MTBP: variants seen among roughly 807,000 people sequenced by gnomAD.
MTBP encodes MDM2 binding protein.
Under a neutral mutation model 117.0 loss-of-function variants are expected in MTBP, and 101 were observed. The ratio of observed to expected loss-of-function variants is 0.86; its 90% confidence interval spans 0.73 to 1.02. The LOEUF (loss-of-function observed/expected upper bound fraction) is 1.02. Among genes scored for constraint, MTBP ranks in the 50% least tolerant of loss-of-function variants. MTBP has a pLI of 0.00. For missense variants in MTBP, 970 were observed against 1,030.9 expected, an observed-to-expected ratio of 0.94 and a Z score of 0.81; for synonymous variants, 350 against 351.5, an observed-to-expected ratio of 1.00 and a Z score of 0.05.
At chr8:120,453,949 T>C (rs1813415965) in intron 5 of MTBP, 44 bp downstream of exon 5, 1 of 1,092,042 alleles carries the variant, frequency 9.2e-7, no homozygotes, top group Non-Finnish European at 1.4e-6. Flanking sequence ...TCTTATCTTA[T>C]TACACTTTAT....
intron 8 of MTBP, 56 bp from the exon 9 acceptor site, chr8:120,461,105 T>G (rs1813573331): frequency 1.6e-5 from 21 of 1,273,466 alleles, no homozygotes; most frequent in Non-Finnish European, 2.1e-5. Flanking sequence ...AATCACTAAT[T>G]TGTTTACTTT....
At chr8:120,521,363 C>G (rs1815004738) in intron 20 of MTBP, among the ~76,000 whole-genome samples, 1 of 152,106 alleles carries the variant, frequency 6.6e-6, no homozygotes, top group African/African-American at 2.4e-5. Flanking sequence ...AAAGTATTTA[C>G]ATAGATACAA....
chr8:120,472,508 G>A (rs9649950), intron 11 of MTBP: 81,598 of 152,100 alleles, frequency 0.54, 24,857 homozygotes, highest in Non-Finnish European at 0.67. Context: ...CTGATCTCAC[G>A]AGAAGTCATT....
chr8:120,519,632 T>C (rs529169239), intron 20 of MTBP, among the ~76,000 whole-genome samples: 1 of 152,184 alleles, frequency 6.6e-6, no homozygotes, highest in Non-Finnish European at 1.5e-5. Flanking sequence ...TTAATACATA[T>C]TGAACAATAA....
At chr8:120,514,545 C>T (rs961348879) in intron 17 of MTBP, among the ~76,000 whole-genome samples, 1 of 152,026 alleles carries the variant, frequency 6.6e-6, no homozygotes, top group Non-Finnish European at 1.5e-5. Flanking sequence ...GGTTCTAATG[C>T]TCAGCCATGT....
At chr8:120,465,962 AT>A (rs1813679693) in intron 10 of MTBP, among the ~76,000 whole-genome samples, 1 of 152,136 alleles carries the variant, frequency 6.6e-6, no homozygotes, top group Admixed American at 6.5e-5. Context: ...TTAATGTTTA[AT>A]AATATATTTT....
chr8:120,498,683 G>A (rs1043539027), intron 14 of MTBP, among the ~76,000 whole-genome samples: 10 of 152,170 alleles, frequency 6.6e-5, no homozygotes, highest in Non-Finnish European at 1.2e-4. Flanking sequence ...ACTACAAGTA[G>A]GGTAGAATAG....
chr8:120,485,573 G>A (rs373601342), intron 11 of MTBP, among the ~76,000 whole-genome samples: 4 of 151,830 alleles, frequency 2.6e-5, no homozygotes, highest in Non-Finnish European at 5.9e-5. Flanking sequence ...TTCTTTAAAC[G>A]TATTTATAAT....
chr8:120,468,347 A>C (rs1416124012), intron 10 of MTBP, among the ~76,000 whole-genome samples: 3 of 152,224 alleles, frequency 2.0e-5, no homozygotes, highest in Non-Finnish European at 2.9e-5. Context: ...AGGCTCAAAC[A>C]CATCTTTATG....
intron 4 of MTBP, chr8:120,452,359 T>C (rs1046686864): frequency 5.3e-5 from 8 of 152,216 alleles, no homozygotes; most frequent in Non-Finnish European, 1.2e-4. Context: ...AGAAATATCA[T>C]TGAACCAGGG....
chr8:120,453,563 CT>C (rs562466595), intron 4 of MTBP, among the ~76,000 whole-genome samples: 23 of 151,448 alleles, frequency 1.5e-4, no homozygotes, highest in Non-Finnish European at 2.4e-4. Context: ...GTTTTATTTC[CT>C]TTTTTTTGAT....
In MTBP at chr8:120,515,991, T is replaced by G. The variant is rs752395616; in HGVS notation, c.2046T>G (p.Leu682=). ...DGGFSELQSR[L]IRYETQTTCT... is the part of the protein sequence containing the mutation. The stretch of plus-strand genomic sequence containing the variant: ...GATTTTCTGAACTTCAGTCTCGTCT[T>G]ATTCGTTATGAAACTCAAACTACCT... The change falls in exon 18 of 22, where the codon CTT becomes CTG. Residue 682 remains leucine, a synonymous_variant. Coordinates refer to ENST00000305949, the MANE Select transcript of MTBP (RefSeq NM_022045.5). 2 of 1,613,084 alleles carry G rather than the reference T, an allele frequency of 1.2e-6. No individual in the cohort carries two copies. The highest frequency in any genetic ancestry group is 1.7e-5 in the Admixed American group (1 of 59,936).
chr8:120,466,776 A>G (rs2130540188), intron 10 of MTBP, among the ~76,000 whole-genome samples: 1 of 152,150 alleles, frequency 6.6e-6, no homozygotes, highest in African/African-American at 2.4e-5. Context: ...CGGGAGGCTG[A>G]GGCAGGAGAA....
chr8:120,496,814 C>G (rs997715501), intron 13 of MTBP, among the ~76,000 whole-genome samples: 1 of 152,126 alleles, frequency 6.6e-6, no homozygotes, highest in African/African-American at 2.4e-5. Flanking sequence ...ATATCCAGTC[C>G]TGTTTCAGTC....
intron 17 of MTBP, among the ~76,000 whole-genome samples, chr8:120,511,109 T>C (rs1015697589): frequency 3.3e-5 from 5 of 152,124 alleles, no homozygotes; most frequent in African/African-American, 1.2e-4. Context: ...AAAGATAAGA[T>C]ATGCCACCCG....
At chr8:120,460,337 T>C (rs2130527655) in intron 8 of MTBP, among the ~76,000 whole-genome samples, 1 of 152,320 alleles carries the variant, frequency 6.6e-6, no homozygotes, top group South Asian at 2.1e-4. Context: ...TCTTCAATAA[T>C]GTAAAATTCA....
chr8:120,477,044 C>T (rs1813956892), intron 11 of MTBP, among the ~76,000 whole-genome samples: 1 of 152,060 alleles, frequency 6.6e-6, no homozygotes, highest in Non-Finnish European at 1.5e-5. Context: ...GTGCTGGTAC[C>T]AAAACAGTTA....
In MTBP at chr8:120,463,747, T is replaced by G. The variant is rs1431203672; in HGVS notation, c.1033T>G (p.Ser345Ala). The change falls in exon 10 of 22, where the codon TCT (serine) becomes GCT (alanine). Residue 345 changes from serine to alanine, a missense_variant. Physicochemically the swap from Ser to Ala is moderately conservative, Grantham distance 99. Coordinates refer to ENST00000305949, the MANE Select transcript of MTBP (RefSeq NM_022045.5). The part of the protein sequence containing the change: ...NSVLLLEQIS[S>A]LCSKVGALFV... ...TGTGTTGCTGTTGGAGCAGATTTCT[T>G]CTCTGTGTAGCAAGGTATTGAGGGT... is the stretch of plus-strand genomic sequence containing the variant. 6.2e-7 allele frequency: 1 copy of G among 1,612,248 alleles called. No individual in the cohort carries two copies. The highest frequency in any genetic ancestry group is 8.5e-7 in the Non-Finnish European group (1 of 1,178,896).
intron 17 of MTBP, among the ~76,000 whole-genome samples, chr8:120,511,524 A>G (rs1371556521): frequency 6.6e-6 from 1 of 152,078 alleles, no homozygotes. Context: ...TGAACTCCTA[A>G]CCTCAGGTGA....
Sources: allele counts gnomAD v4.1 joint callset (sites outside exome capture counted in the v4.1 genomes callset), GRCh38; gene constraint gnomAD v4.1.1; transcripts MANE v1.5; gene names NCBI Gene and HGNC (gene_info 2026-07-23, HGNC 2026-07-21).